KLF8: variants seen among roughly 807,000 people sequenced by gnomAD.
KLF8 encodes Krueppel-like factor 8.
KLF8 carries 10 observed loss-of-function variants against 18.2 expected under a neutral mutation model. The observed-to-expected ratio is 0.55, with a 90% CI of 0.34 to 0.93. KLF8 has a LOEUF of 0.93. Ranked by LOEUF, KLF8 falls within the 40% of genes least tolerant of loss-of-function variation. KLF8 has a pLI of 0.02. For synonymous variants in KLF8, 109 were observed against 97.3 expected (o/e 1.12, Z -0.71); for missense variants, 264 against 277.9 (o/e 0.95, Z 0.36).
Position 56,289,314 on chromosome X carries a change from CT to C in KLF8, c.*4822del, listed in dbSNP as rs2147715639. Among the ~76,000 whole-genome samples, 1 of 110,389 alleles carries C rather than the reference CT, an allele frequency of 9.1e-6. No homozygotes were observed. Among genetic ancestry groups the C allele is most frequent in the South Asian group, 3.9e-4 (1 of 2,559 alleles). ...CCACTGCAAGATCTTCCAGGCTCATCTTGTATATTTTGTGGCCTACTCCTAT... is the reference window on the plus strand; with the variant it reads ...CCACTGCAAGATCTTCCAGGCTCATCTGTATATTTTGTGGCCTACTCCTAT... On this transcript the variant is annotated 3_prime_UTR_variant, in exon 6 of 6. Coordinates refer to ENST00000468660, the MANE Select transcript of KLF8 (RefSeq NM_007250.5).
chrX:56,024,126 T>A, the KLF8 span, among the ~76,000 whole-genome samples: 4 of 112,032 alleles, frequency 3.6e-5, no homozygotes, highest in Non-Finnish European at 5.6e-5. Flanking sequence ...TTTAATTTTT[T>A]AAAAAATTTA....
At chrX:56,186,999 A>G in the KLF8 span, among the ~76,000 whole-genome samples, 2 of 111,887 alleles carry the variant, frequency 1.8e-5, no homozygotes, top group Non-Finnish European at 3.8e-5. Flanking sequence ...TTCAAAAGCT[A>G]GCAGAAGGCA....
chrX:56,265,953 T>C, intron 3 of KLF8: 2 of 978,010 alleles, frequency 2.0e-6, no homozygotes, highest in Admixed American at 4.7e-5. Flanking sequence ...CAAGTACAAG[T>C]ATGCATATCT....
the KLF8 span, among the ~76,000 whole-genome samples, chrX:55,987,170 G>A: frequency 1.5e-5 from 1 of 67,804 alleles, no homozygotes; most frequent in Non-Finnish European, 3.2e-5. Flanking sequence ...TGGTAGTTCT[G>A]TTTGAAGTTT....
the KLF8 span, among the ~76,000 whole-genome samples, chrX:56,081,709 G>A: frequency 8.9e-6 from 1 of 111,804 alleles, no homozygotes; most frequent in Non-Finnish European, 1.9e-5. Context: ...TTTGTCAGAT[G>A]TTTTCAATGC....
chrX:56,147,550 G>A, the KLF8 span, among the ~76,000 whole-genome samples: 2 of 112,520 alleles, frequency 1.8e-5, no homozygotes. Context: ...TCATTTATAT[G>A]AAATATCAAG....
intron 5 of KLF8, among the ~76,000 whole-genome samples, chrX:56,276,661 G>C (rs140092882): frequency 0.012 from 1,284 of 111,113 alleles, 11 homozygotes; most frequent in Middle Eastern, 0.061. Flanking sequence ...CTTTTCTCTT[G>C]CTTCTTTTAG....
At chrX:56,108,749 C>T in the KLF8 span, among the ~76,000 whole-genome samples, 3 of 111,194 alleles carry the variant, frequency 2.7e-5, no homozygotes, top group Admixed American at 9.6e-5. Flanking sequence ...GTTTAGTTTG[C>T]TCTTTTGTAG....
At chrX:55,911,915 C>A in the KLF8 span, among the ~76,000 whole-genome samples, 4 of 112,001 alleles carry the variant, frequency 3.6e-5, no homozygotes, top group African/African-American at 1.3e-4. Flanking sequence ...TGGCCACACA[C>A]TGGAATCAGT....
the KLF8 span, among the ~76,000 whole-genome samples, chrX:56,212,459 C>T: frequency 8.9e-6 from 1 of 112,072 alleles, no homozygotes; most frequent in African/African-American, 3.2e-5. Context: ...GCACTTTGGC[C>T]CTCAGTGATG....
the KLF8 span, among the ~76,000 whole-genome samples, chrX:56,186,054 T>G: frequency 2.7e-5 from 3 of 112,178 alleles, no homozygotes; most frequent in East Asian, 8.4e-4. Context: ...ATGCACTAAA[T>G]GCTCCAATTA....
chrX:56,176,899 T>C, the KLF8 span, among the ~76,000 whole-genome samples: 6 of 112,273 alleles, frequency 5.3e-5, no homozygotes, highest in East Asian at 1.7e-3. Flanking sequence ...TCGAATCAGC[T>C]ACCGAGGCTT....
chrX:56,036,606 G>A, the KLF8 span, among the ~76,000 whole-genome samples: 2 of 112,090 alleles, frequency 1.8e-5, no homozygotes, highest in African/African-American at 6.5e-5. Context: ...TTGAAGTTCA[G>A]CAGTGTGCTT....
chrX:56,156,139 T>G, the KLF8 span, among the ~76,000 whole-genome samples: 1 of 112,398 alleles, frequency 8.9e-6, no homozygotes, highest in African/African-American at 3.2e-5. Context: ...TCTTGTGTCT[T>G]TTTGGTAGAA....
At chrX:56,042,359 G>A in the KLF8 span, among the ~76,000 whole-genome samples, 1 of 111,334 alleles carries the variant, frequency 9.0e-6, no homozygotes, top group African/African-American at 3.3e-5. Flanking sequence ...GTTGATTTGG[G>A]GTGGAGAGTT....
the KLF8 span, among the ~76,000 whole-genome samples, chrX:55,923,705 CGTGT>C: frequency 8.7e-3 from 853 of 98,265 alleles, 7 homozygotes; most frequent in African/African-American, 0.021. Flanking sequence ...TAAAGATCCA[CGTGT>C]GTGTGTGTGT....
At chrX:56,181,406 A>G in the KLF8 span, among the ~76,000 whole-genome samples, 1 of 109,752 alleles carries the variant, frequency 9.1e-6, no homozygotes, top group Non-Finnish European at 1.9e-5. Flanking sequence ...ATCGGTCTTG[A>G]CTCTTTATCC....
Position 56,290,862 on chromosome X carries a change from C to CT in KLF8, c.*6372dup, listed in dbSNP as rs1165167361. On this transcript the variant is annotated 3_prime_UTR_variant, in exon 6 of 6. Transcript: ENST00000468660. ...AAACACTGGTTTTAATTTCCATTTC[C>CT]TTTTCTGGTGTTGGGGTGGGGTCAG... 9.0e-6 allele frequency among the ~76,000 whole-genome samples: 1 copy of CT among 111,275 alleles called. No individual in the cohort carries two copies. Among genetic ancestry groups the CT allele is most frequent in the East Asian group, 2.8e-4 (1 of 3,541 alleles).
At chrX:56,053,174 C>G in the KLF8 span, among the ~76,000 whole-genome samples, 7 of 112,320 alleles carry the variant, frequency 6.2e-5, no homozygotes, top group South Asian at 7.4e-4. Flanking sequence ...GTCTGGCACT[C>G]CCTAGTGAGA....
Sources: gnomAD v4.1 joint callset for allele counts (sites outside exome capture counted in the v4.1 genomes callset) on GRCh38, gnomAD v4.1.1 for gene constraint, MANE v1.5 for transcripts, NCBI Gene and HGNC (gene_info 2026-07-23, HGNC 2026-07-21) for gene names.